Variants in DNASE1 observed in about 807,000 individuals in gnomAD.
DNASE1 encodes deoxyribonuclease 1.
A neutral mutation model predicts 33.9 loss-of-function variants in DNASE1; 40 were observed. The ratio of observed to expected loss-of-function variants is 1.18; its 90% CI spans 0.92 to 1.54. DNASE1 has a LOEUF of 1.54. Ranked by LOEUF, DNASE1 falls within the 40% of genes most tolerant of loss-of-function variation. The pLI is 0.00. For synonymous variants in DNASE1, 216 were observed against 160.0 expected (o/e 1.35, Z -2.64); for missense variants, 518 against 372.6 (o/e 1.39, Z -3.21).
chr16:3,629,051 A>G (rs1213092489), intron 1 of DNASE1, among the ~76,000 whole-genome samples: 4 of 150,526 alleles, frequency 2.7e-5, no homozygotes, highest in African/African-American at 9.7e-5. Context: ...GGGCGCCTGT[A>G]ATCCCAGCTA....
rs181912382 is a variant in DNASE1, at chr16:3,644,509, G to A, written c.-86+1473G>A. ...ATCTGGGAGGCAGAGGTTGCAGTGAGCCAAGATTGCACCCCTGCACTCCAG... is the reference window on the plus strand; with the variant it reads ...ATCTGGGAGGCAGAGGTTGCAGTGAACCAAGATTGCACCCCTGCACTCCAG... On this transcript the variant is annotated intron_variant, in intron 1 of 9. Transcript: ENST00000407479. Among the ~76,000 whole-genome samples the A allele has an allele frequency of 2.5e-3, 374 of 152,208 alleles. 1 individual carries two copies. The highest frequency in any genetic ancestry group is 8.6e-3 in the African/African-American group (359 of 41,550).
At position 3,643,376 on chromosome 16, in the gene DNASE1, G is replaced by A. The variant is rs560399713; in HGVS notation, c.-86+340G>A. ...GCAGTTTCGTGGAGTTAGGGAATAG[G>A]TTGGGGCCTGTCAGGTGCAGGGCCC... On this transcript the variant is annotated intron_variant, in intron 1 of 9. Coordinates refer to the DNASE1 transcript ENST00000407479. Among the ~76,000 whole-genome samples, 12 of 152,374 alleles carry A rather than the reference G, an allele frequency of 7.9e-5. No individual in the cohort carries two copies. In the South Asian group the frequency reaches 2.3e-3, roughly 29 times the overall value.
At position 3,657,970 on chromosome 16, in the gene DNASE1, C is replaced by T. The variant is rs8176937; in HGVS notation, c.*17C>T. The T allele has an allele frequency of 7.4e-6, 12 of 1,613,740 alleles. No homozygotes were observed. The highest frequency in any genetic ancestry group is 9.3e-6 in the Non-Finnish European group (11 of 1,179,978). On this transcript the variant is annotated 3_prime_UTR_variant, in exon 9 of 9. Transcript: ENST00000246949. Reference sequence around the variant, plus strand: ...CTGAAGTGAGCAGCCCCTCCCCACACCAGTTGAACTGCAGGAAGAGAGGAC... The same window carrying T: ...CTGAAGTGAGCAGCCCCTCCCCACATCAGTTGAACTGCAGGAAGAGAGGAC...
At chr16:3,664,883 C>G (rs980897552) in exon 10 of DNASE1, 1 of 168,646 alleles carries the variant, frequency 5.9e-6, no homozygotes, top group Non-Finnish European at 1.3e-5. Flanking sequence ...ACTGGCTTTG[C>G]CCAGTGGGTT....
upstream of DNASE1, chr16:3,654,095 T>C: frequency 3.5e-6 from 1 of 288,978 alleles, no homozygotes; most frequent in East Asian, 5.6e-5. Flanking sequence ...GGCAACACAG[T>C]GTGAGACCCT....
chr16:3,643,020 C>T (rs1375724821), exon 1 of DNASE1: 2 of 152,734 alleles, frequency 1.3e-5, no homozygotes, highest in Non-Finnish European at 2.9e-5. Context: ...CAGCACAACA[C>T]AGGGAAGCTT....
intron 1 of DNASE1, among the ~76,000 whole-genome samples, chr16:3,617,905 C>T (rs2041166583): frequency 6.6e-6 from 1 of 152,144 alleles, no homozygotes; most frequent in Non-Finnish European, 1.5e-5. Context: ...ACTTCCCAGC[C>T]TCCAGAACAG....
rs772322219 is a variant in DNASE1 at position 3,656,250 on chromosome 16, G to A, written c.320+65G>A. 2.2e-5 allele frequency: 34 copies of A among 1,537,440 alleles called. No homozygotes were observed. The Middle Eastern group carries it at 6.7e-4, about 30-fold the overall frequency. On this transcript the variant is annotated intron_variant, in intron 4 of 8. Coordinates refer to ENST00000246949, the MANE Select transcript of DNASE1 (RefSeq NM_005223.4). ...GGGAGGGCCCCAACAGAGCAGGGAA[G>A]TAGTTTGTCCTATTAGTTTGTCCTA...
At chr16:3,620,961 G>C (rs1410506005) in intron 1 of DNASE1, among the ~76,000 whole-genome samples, 1 of 151,848 alleles carries the variant, frequency 6.6e-6, no homozygotes, top group African/African-American at 2.4e-5. Flanking sequence ...CACCACACCT[G>C]GTTAATTTTT....
chr16:3,616,093 T>A (rs1297339897), intron 1 of DNASE1, among the ~76,000 whole-genome samples: 1 of 152,198 alleles, frequency 6.6e-6, no homozygotes. Flanking sequence ...AATAACTGTT[T>A]TTACGTGTAT....
chr16:3,642,021 C>T (rs548126627), upstream of DNASE1, among the ~76,000 whole-genome samples: 15 of 152,308 alleles, frequency 9.8e-5, no homozygotes, highest in East Asian at 3.9e-4. Context: ...GTGGCTGTGT[C>T]GTGGGGGCTG....
chr16:3,650,732 G>C (rs2042309078), upstream of DNASE1: 1 of 152,044 alleles, frequency 6.6e-6, no homozygotes, highest in African/African-American at 2.4e-5. Context: ...AATACATAAA[G>C]AGAAATGTTC....
upstream of DNASE1, chr16:3,650,595 T>A (rs1275640083): frequency 7.0e-6 from 1 of 142,246 alleles, no homozygotes; most frequent in African/African-American, 2.6e-5. Context: ...CCAGATTATA[T>A]GGTCATTCAA....
rs1474585165 is a variant in DNASE1 at position 3,655,883 on chromosome 16, A to T, written c.182A>T (p.Glu61Val). 2.5e-6 allele frequency: 4 copies of T among 1,613,866 alleles called. No homozygotes were observed. Among genetic ancestry groups the T allele is most frequent in the East Asian group, 2.2e-5 (1 of 44,888 alleles). Reference protein sequence around the residue: ...LSRYDIALVQEVRDSHLTAVG... With the variant: ...LSRYDIALVQVVRDSHLTAVG... Reference sequence around the variant, plus strand: ...CGCTATGACATCGCCCTGGTCCAGGAGGTCAGAGACAGCCACCTGACTGCC... The same window carrying T: ...CGCTATGACATCGCCCTGGTCCAGGTGGTCAGAGACAGCCACCTGACTGCC... The change falls in exon 3 of 9, where the codon GAG (glutamate) becomes GTG (valine). Residue 61 changes from glutamate (E) to valine (V), a missense_variant. Coordinates refer to ENST00000246949, the MANE Select transcript of DNASE1 (RefSeq NM_005223.4).
At chr16:3,619,409 C>T (rs996521090) in intron 1 of DNASE1, among the ~76,000 whole-genome samples, 1 of 150,440 alleles carries the variant, frequency 6.6e-6, no homozygotes, top group East Asian at 2.0e-4. Flanking sequence ...TCGCCCAGGC[C>T]GAAGTGCAGT....
chr16:3,618,040 CAG>C (rs2041170659), intron 1 of DNASE1, among the ~76,000 whole-genome samples: 2 of 140,670 alleles, frequency 1.4e-5, no homozygotes, highest in African/African-American at 2.7e-5. Context: ...AAAGACAACT[CAG>C]AAAATGGGCA....
chr16:3,643,760 T>TTTAC, intron 1 of DNASE1, among the ~76,000 whole-genome samples: 1 of 152,158 alleles, frequency 6.6e-6, no homozygotes, highest in Middle Eastern at 3.4e-3. Flanking sequence ...ATTTTATTAT[T>TTTAC]TTATTTATTT....
At chr16:3,630,475 C>A (rs942466356) in intron 1 of DNASE1, among the ~76,000 whole-genome samples, 1 of 152,202 alleles carries the variant, frequency 6.6e-6, no homozygotes. Flanking sequence ...GCCACTGTTT[C>A]TGGCTATTTC....
chr16:3,641,190 C>T, upstream of DNASE1: 2 of 378,432 alleles, frequency 5.3e-6, no homozygotes. Flanking sequence ...AGCAGCCACC[C>T]CTCCATGTGG....
Sources: gnomAD v4.1 joint callset for allele counts (sites outside exome capture counted in the v4.1 genomes callset) on GRCh38, gnomAD v4.1.1 for gene constraint, MANE v1.5 for transcripts, NCBI Gene and HGNC (gene_info 2026-07-23, HGNC 2026-07-21) for gene names.